The following TMEFF2 variants were observed in gnomAD, a reference collection of about 807,000 sequenced individuals.
TMEFF2 encodes the protein tomoregulin-2.
TMEFF2 carries 28 observed loss-of-function variants against 53.8 expected under a neutral mutation model. The observed-to-expected ratio is 0.52, with a 90% CI of 0.39 to 0.71. The LOEUF is 0.71. Among genes scored for constraint, TMEFF2 ranks in the 30% least tolerant of loss-of-function variants. The pLI is 0.00. For synonymous variants in TMEFF2, 162 were observed against 166.3 expected, an observed-to-expected ratio of 0.97 and a Z score of 0.20; for missense variants, 353 against 455.2, an observed-to-expected ratio of 0.78 and a Z score of 2.04.
intron 5 of TMEFF2, among the ~76,000 whole-genome samples, chr2:192,040,923 G>A (rs574958489): frequency 6.6e-5 from 10 of 152,152 alleles, no homozygotes; most frequent in Non-Finnish European, 1.5e-4. Context: ...ATATCTACAT[G>A]TAACAAATGA....
At chr2:191,998,432 A>G in intron 6 of TMEFF2, 111 bp from the exon 7 acceptor site, 1 of 743,448 alleles carries the variant, frequency 1.3e-6, no homozygotes, top group Non-Finnish European at 2.1e-6. Flanking sequence ...GAATTTTTAC[A>G]ACTGTAGTTC....
chr2:191,956,402 C>T, intron 7 of TMEFF2, 24 bp from the exon 8 acceptor site: 1 of 1,607,626 alleles, frequency 6.2e-7, no homozygotes, highest in Non-Finnish European at 8.5e-7. Context: ...TAAAAGTAAG[C>T]ACCCCCTGTA....
At chr2:192,094,690 C>T (rs918011100) in intron 4 of TMEFF2, among the ~76,000 whole-genome samples, 7 of 152,088 alleles carry the variant, frequency 4.6e-5, no homozygotes, top group Non-Finnish European at 8.8e-5. Context: ...AAAATTTAGT[C>T]GAATTTTATT....
intron 4 of TMEFF2, among the ~76,000 whole-genome samples, chr2:192,075,537 T>C (rs527381354): frequency 7.1e-4 from 107 of 151,448 alleles, no homozygotes; most frequent in African/African-American, 2.5e-3. Context: ...TCAACAGGTC[T>C]CTCATTACTA....
rs1442932947 is a variant in TMEFF2, at chr2:191,977,602, C to T, written c.745+20660G>A. On this transcript the variant is annotated intron_variant, in intron 7 of 9. Transcript: ENST00000272771. ...GTTGCTAATAAAATAATCTCTCCTT[C>T]CATGAAATCTTAGAAATGGATTTTT... Among the ~76,000 whole-genome samples, 4 of 151,612 alleles carry T rather than the reference C, an allele frequency of 2.6e-5. No homozygotes were observed. In the East Asian group the frequency reaches 5.8e-4, roughly 22 times the overall value.
intron 5 of TMEFF2, among the ~76,000 whole-genome samples, chr2:192,053,048 A>T (rs1230452967): frequency 6.6e-6 from 1 of 152,192 alleles, no homozygotes; most frequent in Non-Finnish European, 1.5e-5. Flanking sequence ...GATGTTCTCC[A>T]TGTAAGGAAA....
At chr2:192,062,787 A>G (rs946588397) in intron 4 of TMEFF2, among the ~76,000 whole-genome samples, 3 of 151,998 alleles carry the variant, frequency 2.0e-5, no homozygotes, top group Non-Finnish European at 4.4e-5. Flanking sequence ...GCATTTTTGT[A>G]TCTATTTTCT....
intron 7 of TMEFF2, among the ~76,000 whole-genome samples, chr2:191,984,351 T>A (rs1231522680): frequency 6.6e-6 from 1 of 152,170 alleles, no homozygotes; most frequent in Non-Finnish European, 1.5e-5. Flanking sequence ...TAGAATTTAA[T>A]CTTCCTGAAC....
At chr2:192,184,563 T>C (rs557878732) in intron 2 of TMEFF2, 80 bp from the exon 3 acceptor site, 2 of 1,535,652 alleles carry the variant, frequency 1.3e-6, no homozygotes, top group Non-Finnish European at 1.8e-6. Flanking sequence ...AATAATCATT[T>C]ACAAAAGAAA....
chr2:192,144,857 C>A (rs1690213088), intron 4 of TMEFF2, among the ~76,000 whole-genome samples: 1 of 151,908 alleles, frequency 6.6e-6, no homozygotes, highest in African/African-American at 2.4e-5. Flanking sequence ...GACTTCAACT[C>A]TTCTGATAAA....
chr2:192,106,729 T>C (rs931379296), intron 4 of TMEFF2, among the ~76,000 whole-genome samples: 2 of 151,874 alleles, frequency 1.3e-5, no homozygotes, highest in East Asian at 1.9e-4. Flanking sequence ...GAATATATTG[T>C]CCTAGTCCCC....
chr2:192,073,779 A>G (rs1377713830), intron 4 of TMEFF2, among the ~76,000 whole-genome samples: 1 of 151,998 alleles, frequency 6.6e-6, no homozygotes, highest in Non-Finnish European at 1.5e-5. Flanking sequence ...TTCACCTTTT[A>G]AGAAACAAAA....
At chr2:192,102,443 T>C (rs978809937) in intron 4 of TMEFF2, among the ~76,000 whole-genome samples, 1 of 152,082 alleles carries the variant, frequency 6.6e-6, no homozygotes, top group Non-Finnish European at 1.5e-5. Context: ...TCCATGCTTC[T>C]CTTTCTCCTC....
intron 4 of TMEFF2, among the ~76,000 whole-genome samples, chr2:192,074,085 T>C (rs1175006360): frequency 6.6e-6 from 1 of 151,950 alleles, no homozygotes; most frequent in Non-Finnish European, 1.5e-5. Flanking sequence ...AATAGTCAGA[T>C]GACTAAAAGA....
chr2:192,188,830 TCTATCTATCTATCTATCTA>T lies in TMEFF2; in HGVS notation c.282+3031_282+3049del, dbSNP rs1559164500. Among the ~76,000 whole-genome samples, 459 of 139,406 alleles carry T rather than the reference TCTATCTATCTATCTATCTA, an allele frequency of 3.3e-3. 7 individuals carry two copies. Among genetic ancestry groups the T allele is most frequent in the African/African-American group, 8.8e-3 (326 of 36,948 alleles). 91.5% of individuals were successfully genotyped at this position (139,406 alleles called of 152,430 possible). On this transcript the variant is annotated intron_variant, in intron 2 of 9. Transcript: ENST00000272771. Reference sequence around the variant, plus strand: ...CCCTTCCTTCCTCCCCGCTTTTCTATCTATCTATCTATCTATCTATCTATCTATCTATCTATCTATCTAT... The same window carrying T: ...CCCTTCCTTCCTCCCCGCTTTTCTATTCTATCTATCTATCTATCTATCTAT...
chr2:192,125,343 A>T (rs77126159), intron 4 of TMEFF2, among the ~76,000 whole-genome samples: 193 of 152,286 alleles, frequency 1.3e-3, no homozygotes, highest in African/African-American at 4.4e-3. Flanking sequence ...GAGTTCAAAT[A>T]ACATTCAGCT....
intron 4 of TMEFF2, among the ~76,000 whole-genome samples, chr2:192,075,927 A>G (rs1235644143): frequency 6.6e-6 from 1 of 152,028 alleles, no homozygotes; most frequent in Non-Finnish European, 1.5e-5. Flanking sequence ...GAACAAATAA[A>G]GGAAGAAAAG....
chr2:192,155,794 T>C (rs1690493201), intron 4 of TMEFF2, among the ~76,000 whole-genome samples: 1 of 151,976 alleles, frequency 6.6e-6, no homozygotes, highest in Admixed American at 6.6e-5. Flanking sequence ...CTGGTTTTAT[T>C]TACTTGTCAA....
In TMEFF2 at chr2:192,188,911, T is replaced by A. The variant is rs1574448294; in HGVS notation, c.282+2969A>T. On this transcript the variant is annotated intron_variant, in intron 2 of 9. Transcript: ENST00000272771. ...TCCATCTACTGTCTCCAAATTTTCA[T>A]CCTCATAATTACTGGGCTTAATACC... Among the ~76,000 whole-genome samples the A allele has an allele frequency of 2.6e-5, 4 of 151,632 alleles. No homozygotes were observed. In the South Asian group the frequency reaches 6.3e-4, roughly 24 times the overall value.
Sources: gnomAD v4.1 joint callset for allele counts (sites outside exome capture counted in the v4.1 genomes callset) on GRCh38, gnomAD v4.1.1 for gene constraint, MANE v1.5 for transcripts, NCBI Gene and HGNC (gene_info 2026-07-23, HGNC 2026-07-21) for gene names.